Variants in RYR2 observed in about 807,000 individuals in gnomAD.
The protein encoded by RYR2 is ryanodine receptor 2.
In RYR2, 227 loss-of-function variants were observed where a neutral mutation model predicts 601.1. The ratio of observed to expected loss-of-function variants is 0.38; its 90% CI spans 0.34 to 0.42. The LOEUF is 0.42. Among genes scored for constraint, RYR2 ranks in the 10% least tolerant of loss-of-function variants. The pLI is 1.00. For missense variants in RYR2, 4,646 were observed against 6,156.5 expected, an observed-to-expected ratio of 0.75 and a Z score of 8.21; for synonymous variants, 2,223 against 2,175.1, an observed-to-expected ratio of 1.02 and a Z score of -0.61.
chr1:237,579,396 A>C (rs1326642684), intron 29 of RYR2, among the ~76,000 whole-genome samples: 1 of 151,644 alleles, frequency 6.6e-6, no homozygotes, highest in African/African-American at 2.4e-5. Flanking sequence ...AGCTGGGATT[A>C]CAGGCATGCG....
In RYR2 at chr1:237,717,195, T is replaced by C. The variant is rs779106765; in HGVS notation, c.10324-3T>C. ...GATCCCAGCACTTCTCTTTGTTCCA[T>C]AGGCAGCTGTTTCTGATCAGGAAAG... On this transcript the variant is annotated splice_polypyrimidine_tract_variant and splice_region_variant and intron_variant, in intron 71 of 104. Transcript: ENST00000366574. 4 of 1,613,110 alleles carry C rather than the reference T, an allele frequency of 2.5e-6. No individual in the cohort carries two copies. The South Asian group carries it at 3.3e-5, about 13-fold the overall frequency.
Position 237,761,211 on chromosome 1 carries a change from C to T in RYR2, c.11476+183C>T, listed in dbSNP as rs532163421. ...ACACCCTAAAACCAACCTTCCACGCCGGTCATTAACTCCTTGTGTGCCAGC... is the reference window on the plus strand; with the variant it reads ...ACACCCTAAAACCAACCTTCCACGCTGGTCATTAACTCCTTGTGTGCCAGC... On this transcript the variant is annotated intron_variant, in intron 84 of 104. Coordinates refer to ENST00000366574, the MANE Select transcript of RYR2 (RefSeq NM_001035.3). 2.9e-4 allele frequency among the ~76,000 whole-genome samples: 44 copies of T among 152,276 alleles called. 1 individual carries two copies. Among genetic ancestry groups the T allele is most frequent in the African/African-American group, 1.0e-3 (42 of 41,562 alleles).
chr1:237,622,054 GTC>G (rs1472747372), intron 38 of RYR2, among the ~76,000 whole-genome samples: 1 of 152,048 alleles, frequency 6.6e-6, no homozygotes, highest in Admixed American at 6.6e-5. Context: ...CGTACTTGAA[GTC>G]TCTCTGTATT....
In RYR2 at chr1:237,707,239, G is replaced by A; in HGVS notation, c.9871G>A (p.Asp3291Asn). The part of the protein sequence containing the change: ...LKIIYNNLGI[D>N]EGAWMKRLAV... ...AATCATATATAATAACTTGGGGATTGATGAGGGAGCCTGGATGAAGAGGCT... is the reference window on the plus strand; with the variant it reads ...AATCATATATAATAACTTGGGGATTAATGAGGGAGCCTGGATGAAGAGGCT... Residue 3291 changes from aspartate (D) to asparagine (N), a missense_variant, in exon 68 of 105, where the codon GAT becomes AAT. By Grantham distance (23) the Asp-to-Asn change is conservative. This residue lies in a region of RYR2 where 1,497 missense variants were observed against 1,842.6 expected (regional missense o/e 0.81). Coordinates refer to ENST00000366574, the MANE Select transcript of RYR2 (RefSeq NM_001035.3). 6.4e-7 allele frequency: 1 copy of A among 1,560,252 alleles called. No individual in the cohort carries two copies. Among genetic ancestry groups the A allele is most frequent in the Non-Finnish European group, 8.7e-7 (1 of 1,144,964 alleles).
intron 1 of RYR2, among the ~76,000 whole-genome samples, chr1:237,108,426 C>T (rs1669006659): frequency 6.6e-6 from 1 of 152,178 alleles, no homozygotes. Context: ...AGTAGGCCTG[C>T]TAATTGAATT....
At chr1:237,746,333 GTTAATTA>G (rs1558332527) in intron 80 of RYR2, among the ~76,000 whole-genome samples, 1 of 151,970 alleles carries the variant, frequency 6.6e-6, no homozygotes, top group African/African-American at 2.4e-5. Flanking sequence ...CCTATACCTG[GTTAATTA>G]TTAATATTTG....
chr1:237,130,009 A>G (rs1454764526), intron 1 of RYR2, among the ~76,000 whole-genome samples: 2 of 152,154 alleles, frequency 1.3e-5, no homozygotes, highest in Non-Finnish European at 2.9e-5. Context: ...AGTATGAATA[A>G]GTTGTGAATA....
intron 2 of RYR2, among the ~76,000 whole-genome samples, chr1:237,283,157 A>G (rs1302586872): frequency 6.6e-6 from 1 of 152,192 alleles, no homozygotes; most frequent in Non-Finnish European, 1.5e-5. Context: ...TTCATTGTTT[A>G]GGTATCTGTC....
At chr1:237,324,267 T>G (rs1695929542) in intron 2 of RYR2, among the ~76,000 whole-genome samples, 1 of 152,188 alleles carries the variant, frequency 6.6e-6, no homozygotes, top group Admixed American at 6.5e-5. Flanking sequence ...ATCTGGTAAG[T>G]GACATTTTGC....
intron 43 of RYR2, 83 bp from the exon 44 acceptor site, chr1:237,634,806 T>A: frequency 9.9e-7 from 1 of 1,011,090 alleles, no homozygotes; most frequent in Non-Finnish European, 1.5e-6. Flanking sequence ...AGAAATTAAA[T>A]TTTAAGAGGT....
intron 1 of RYR2, among the ~76,000 whole-genome samples, chr1:237,091,210 CCCAGAAACACAAT>C (rs1489381180): frequency 6.6e-6 from 1 of 152,124 alleles, no homozygotes; most frequent in East Asian, 1.9e-4. Context: ...TCTGTGAACA[CCCAGAAACACAAT>C]TGGCAGCTCT....
intron 1 of RYR2, among the ~76,000 whole-genome samples, chr1:237,172,192 T>C (rs1181209224): frequency 6.6e-6 from 1 of 152,236 alleles, no homozygotes; most frequent in Non-Finnish European, 1.5e-5. Flanking sequence ...TAATGTATGG[T>C]CATACAAGGT....
At chr1:237,268,140 C>T (rs1209079754) in intron 1 of RYR2, among the ~76,000 whole-genome samples, 1 of 152,140 alleles carries the variant, frequency 6.6e-6, no homozygotes, top group Non-Finnish European at 1.5e-5. Context: ...TATTCTCATT[C>T]CCAAACTGTC....
chr1:237,252,448 C>T (rs1687552566), intron 1 of RYR2, among the ~76,000 whole-genome samples: 1 of 152,124 alleles, frequency 6.6e-6, no homozygotes, highest in Non-Finnish European at 1.5e-5. Flanking sequence ...GATCCTTCAG[C>T]CCTGTCGTTA....
intron 29 of RYR2, among the ~76,000 whole-genome samples, chr1:237,575,072 A>G (rs903967519): frequency 6.6e-6 from 1 of 152,236 alleles, no homozygotes; most frequent in Admixed American, 6.5e-5. Context: ...CCATGACACC[A>G]GTCTGTTTAG....
chr1:237,350,613 A>ATATATATATATATAT (rs1698742101), intron 3 of RYR2, among the ~76,000 whole-genome samples: 1 of 107,884 alleles, frequency 9.3e-6, no homozygotes, highest in African/African-American at 4.1e-5. Flanking sequence ...ATATATATAT[A>ATATATATATATATAT]TATATATATA....
intron 27 of RYR2, among the ~76,000 whole-genome samples, chr1:237,556,462 G>A (rs1402863558): frequency 2.0e-4 from 16 of 78,102 alleles, no homozygotes; most frequent in South Asian, 1.5e-3. Context: ...CACGAGGCCC[G>A]GCTAATTTTT....
At chr1:237,752,794 T>C (rs1692644169) in intron 80 of RYR2, among the ~76,000 whole-genome samples, 2 of 152,210 alleles carry the variant, frequency 1.3e-5, no homozygotes, top group African/African-American at 4.8e-5. Context: ...AACATCACCT[T>C]GTAGGTCGTA....
intron 80 of RYR2, chr1:237,743,509 T>C: frequency 2.0e-6 from 1 of 492,640 alleles, no homozygotes; most frequent in South Asian, 1.5e-5. Flanking sequence ...TAATATTGTT[T>C]TTCTGAAGTG....
Sources: gnomAD v4.1 joint callset for allele counts (sites outside exome capture counted in the v4.1 genomes callset) on GRCh38, gnomAD v4.1.1 for gene constraint, gnomAD v4.1.1 regional missense constraint, MANE v1.5 for transcripts, NCBI Gene and HGNC (gene_info 2026-07-23, HGNC 2026-07-21) for gene names.